ZNF597: variants seen among roughly 807,000 people sequenced by gnomAD.
ZNF597 encodes the protein zinc finger protein 597.
Under a neutral mutation model 7.3 loss-of-function variants are expected in ZNF597, and 5 were observed. The observed-to-expected ratio is 0.68, with a 90% CI of 0.36 to 1.44. The LOEUF (loss-of-function observed/expected upper bound fraction) is 1.44. Among genes scored for constraint, ZNF597 ranks in the 40% most tolerant of loss-of-function variants. The pLI is 0.04. For missense variants in ZNF597, 585 were observed against 517.9 expected, an observed-to-expected ratio of 1.13 and a Z score of -1.26; for synonymous variants, 209 against 185.4, an observed-to-expected ratio of 1.13 and a Z score of -1.04.
chr16:3,439,945 A>G (rs1217123883), intron 3 of ZNF597, among the ~76,000 whole-genome samples: 1 of 152,204 alleles, frequency 6.6e-6, no homozygotes, highest in Admixed American at 6.5e-5. Context: ...CAACATGAAC[A>G]TGATGAAGAG....
chr16:3,436,962 C>A lies in ZNF597; in HGVS notation c.737G>T (p.Gly246Val). The change falls in exon 4 of 4, where the codon GGT (glycine) becomes GTT (valine). Residue 246 changes from glycine to valine, a missense_variant. Physicochemically the swap from Gly to Val is moderately radical, Grantham distance 109. Transcript: ENST00000301744. ...TCCTGGGAGCCACATAAAACCTCTA[C>A]CACATATGCTACATGTATAGGGCTT... ...KEKPYTCSIC[G>V]RGFMWLPGLA... 1 of 1,614,172 alleles carries A rather than the reference C, an allele frequency of 6.2e-7. No homozygotes were observed. The highest frequency in any genetic ancestry group is 1.6e-4 in the Middle Eastern group (1 of 6,062).
At position 3,437,474 on chromosome 16, in the gene ZNF597, A is replaced by T; in HGVS notation, c.225T>A (p.Leu75=). Residue 75 remains leucine (L), a synonymous_variant, in exon 4 of 4, where the codon CTT becomes CTA. Transcript: ENST00000301744. ...CAGCAATGGGGTACTTTTCTAAGGC[A>T]AGCTCGTCAAGTTCCATAGACTCTA... is the stretch of plus-strand genomic sequence containing the variant. ...LSLESMELDE[L]ALEKYPIAAP... 6.2e-7 allele frequency: 1 copy of T among 1,614,114 alleles called. No individual in the cohort carries two copies. The highest frequency in any genetic ancestry group is 8.5e-7 in the Non-Finnish European group (1 of 1,180,016).
At position 3,443,424 on chromosome 16, in the gene ZNF597, G is replaced by A. The variant is rs570461684; in HGVS notation, c.-118C>T. The stretch of plus-strand genomic sequence containing the variant: ...GAGCTGCAGAAAGCGACGCCCGACC[G>A]AGACGCGACGAAGAACGCCACGGCC... On this transcript the variant is annotated 5_prime_UTR_variant, in exon 1 of 4. Coordinates refer to ENST00000301744, the MANE Select transcript of ZNF597 (RefSeq NM_152457.3). The A allele has an allele frequency of 5.7e-5, 30 of 522,572 alleles. No homozygotes were observed. The highest frequency in any genetic ancestry group is 4.9e-4 in the Middle Eastern group (1 of 2,044). The allele number at this position is 522,572 out of a possible 1,614,324, so 32.4% of individuals were successfully genotyped here.
At position 3,436,800 on chromosome 16, in the gene ZNF597, T is replaced by TGG; in HGVS notation, c.898_899insCC (p.Lys300ThrfsTer4). 6.2e-7 allele frequency: 1 copy of TGG among 1,613,658 alleles called. No homozygotes were observed. The highest frequency in any genetic ancestry group is 8.5e-7 in the Non-Finnish European group (1 of 1,180,032). On this transcript the variant is annotated frameshift_variant, in exon 4 of 4. Coordinates refer to ENST00000301744, the MANE Select transcript of ZNF597 (RefSeq NM_152457.3). LOFTEE classifies it low-confidence loss of function (END_TRUNC). ...GGACTGCCTGAAGCTCTTCATGCAC[T>TGG]TAGTGTGCTGGTACTGGGGGCCTGA...
chr16:3,432,882 G>A lies in ZNF597; in HGVS notation c.*3542C>T, dbSNP rs2034268661. On this transcript the variant is annotated 3_prime_UTR_variant, in exon 4 of 4. Transcript: ENST00000301744. ...ACACTTTCCTACTAAAATCCCACAG[G>A]GATAACAAGTTTAATGAACATTCAA... is the stretch of plus-strand genomic sequence containing the variant. 6.6e-6 allele frequency: 1 copy of A among 152,008 alleles called. No homozygotes were observed. Among genetic ancestry groups the A allele is most frequent in the African/African-American group, 2.4e-5 (1 of 41,374 alleles). 9.4% of individuals were successfully genotyped at this position (152,008 alleles called of 1,614,324 possible). A position where few individuals can be genotyped will look rare whatever the true frequency, so the allele number is the denominator to read the frequency against.
In ZNF597 at chr16:3,436,459, T is replaced by C; in HGVS notation, c.1240A>G (p.Thr414Ala). The C allele has an allele frequency of 6.2e-7, 1 of 1,614,172 alleles. No homozygotes were observed. Among genetic ancestry groups the C allele is most frequent in the Non-Finnish European group, 8.5e-7 (1 of 1,180,022 alleles). Residue 414 changes from threonine to alanine, a missense_variant, in exon 4 of 4, where the codon ACT becomes GCT. By Grantham distance (58) the Thr-to-Ala change is moderately conservative. Coordinates refer to ENST00000301744, the MANE Select transcript of ZNF597 (RefSeq NM_152457.3). ...KTFKSNLHLI[T>A]HKRTHIKNTT ...TTTTTTATGTGAGTTCGCTTATGAG[T>C]AATGAGATGCAAATTCGACTTGAAA... is the stretch of plus-strand genomic sequence containing the variant.
rs1445832644 is a variant in ZNF597 at position 3,437,321 on chromosome 16, G to T, written c.378C>A (p.His126Gln). Residue 126 changes from histidine (H) to glutamine (Q), a missense_variant, in exon 4 of 4, where the codon CAC becomes CAA. Coordinates refer to ENST00000301744, the MANE Select transcript of ZNF597 (RefSeq NM_152457.3). Reference sequence around the variant, plus strand: ...ATTCAGAGAGTTCTACTAATGGGGTGTGGTTTTCAATGGTAACTAAAAGGC... The same window carrying T: ...ATTCAGAGAGTTCTACTAATGGGGTTTGGTTTTCAATGGTAACTAAAAGGC... ...VISLLVTIENHTPLVELSEYL... is the reference protein window; with the variant it reads ...VISLLVTIENQTPLVELSEYL... 6.2e-7 allele frequency: 1 copy of T among 1,614,182 alleles called. No homozygotes were observed. Among genetic ancestry groups the T allele is most frequent in the East Asian group, 2.2e-5 (1 of 44,882 alleles).
chr16:3,440,869 G>C lies in ZNF597; in HGVS notation c.98C>G (p.Pro33Arg), dbSNP rs746673058. Residue 33 changes from proline (P) to arginine (R), a missense_variant, in exon 3 of 4, where the codon CCT becomes CGT. Coordinates refer to ENST00000301744, the MANE Select transcript of ZNF597 (RefSeq NM_152457.3). ...FSQEECVTLH[P>R]AQRSLSKDGT... The stretch of plus-strand genomic sequence containing the variant: ...ATCTTTGCTGAGGGACCTCTGGGCA[G>C]GGTGCAGAGTCACGCACTCCTCTTG... The C allele has an allele frequency of 1.7e-5, 27 of 1,614,060 alleles. No homozygotes were observed. The highest frequency in any genetic ancestry group is 2.2e-5 in the Non-Finnish European group (26 of 1,179,962).
Position 3,443,453 on chromosome 16 carries a change from G to A in ZNF597, c.-147C>T, listed in dbSNP as rs1322427420. 1.9e-6 allele frequency: 1 copy of A among 519,714 alleles called. No homozygotes were observed. The highest frequency in any genetic ancestry group is 2.9e-5 in the South Asian group (1 of 35,038). The allele number at this position is 519,714 out of a possible 1,614,324, so 32.2% of individuals were successfully genotyped here. A position where few individuals can be genotyped will look rare whatever the true frequency, so the allele number is the denominator to read the frequency against. ...CGCGACGAAGAACGCCACGGCCACT[G>A]CAAAACTCCCACGCTCTCATGCTCC... On this transcript the variant is annotated 5_prime_UTR_variant, in exon 1 of 4. Coordinates refer to ENST00000301744, the MANE Select transcript of ZNF597 (RefSeq NM_152457.3).
At position 3,443,077 on chromosome 16, in the gene ZNF597, C is replaced by T. The variant is rs370519061; in HGVS notation, c.33+44G>A. 18 of 1,613,606 alleles carry T rather than the reference C, an allele frequency of 1.1e-5. No homozygotes were observed. The East Asian group carries it at 1.6e-4, about 14-fold the overall frequency. ...CCAAAGGAGGGGGTCAGGCAGAGAC[C>T]GAAAGCAGCAATAAACTTGGACGAA... is the stretch of plus-strand genomic sequence containing the variant. On this transcript the variant is annotated intron_variant, in intron 2 of 3. Transcript: ENST00000301744.
Position 3,433,765 on chromosome 16 carries a change from A to G in ZNF597, c.*2659T>C, listed in dbSNP as rs2034274820. On this transcript the variant is annotated 3_prime_UTR_variant, in exon 4 of 4. Coordinates refer to ENST00000301744, the MANE Select transcript of ZNF597 (RefSeq NM_152457.3). Reference sequence around the variant, plus strand: ...CATCTAGCAAATGTATTTAAGTACAACTGCACAATAAGCACAACTGAAAAT... The same window carrying G: ...CATCTAGCAAATGTATTTAAGTACAGCTGCACAATAAGCACAACTGAAAAT... 1 of 152,234 alleles carries G rather than the reference A, an allele frequency of 6.6e-6. No individual in the cohort carries two copies. Among genetic ancestry groups the G allele is most frequent in the Non-Finnish European group, 1.5e-5 (1 of 68,030 alleles). 9.4% of individuals were successfully genotyped at this position (152,234 alleles called of 1,614,324 possible). A position where few individuals can be genotyped will look rare whatever the true frequency, so the allele number is the denominator to read the frequency against.
rs141206372 is a variant in ZNF597 at position 3,441,328 on chromosome 16, T to C, written c.34-395A>G. Among the ~76,000 whole-genome samples the C allele has an allele frequency of 1.8e-3, 270 of 151,988 alleles. 1 individual carries two copies. The highest frequency in any genetic ancestry group is 6.2e-3 in the African/African-American group (259 of 41,478). ...TTTGGGAGTCTGAGGGGGATGCAGA[T>C]GACTTGAGGTCAGGTGTTCGAGACC... On this transcript the variant is annotated intron_variant, in intron 2 of 3. Coordinates refer to ENST00000301744, the MANE Select transcript of ZNF597 (RefSeq NM_152457.3).
At chr16:3,440,351 C>G (rs1457276999) in intron 3 of ZNF597, among the ~76,000 whole-genome samples, 1 of 152,182 alleles carries the variant, frequency 6.6e-6, no homozygotes, top group East Asian at 1.9e-4. Flanking sequence ...AAGAGATCAT[C>G]TCGGCCGGGC....
Position 3,440,893 on chromosome 16 carries a change from T to C in ZNF597, c.74A>G (p.Gln25Arg), listed in dbSNP as rs1411758230. The change falls in exon 3 of 4, where the codon CAA (glutamine) becomes CGA (arginine). Residue 25 changes from glutamine (Q) to arginine (R), a missense_variant. Transcript: ENST00000301744. Reference sequence around the variant, plus strand: ...AGGGTGCAGAGTCACGCACTCCTCTTGAGAAAAATACACAGCCAGATCCTC... The same window carrying C: ...AGGGTGCAGAGTCACGCACTCCTCTCGAGAAAAATACACAGCCAGATCCTC... ...LFEDLAVYFS[Q>R]EECVTLHPAQ... is the part of the protein sequence containing the mutation. The C allele has an allele frequency of 1.9e-6, 3 of 1,613,970 alleles. No homozygotes were observed. Among genetic ancestry groups the C allele is most frequent in the Non-Finnish European group, 2.5e-6 (3 of 1,179,908 alleles).
At position 3,440,948 on chromosome 16, in the gene ZNF597, C is replaced by T. The variant is rs369017760; in HGVS notation, c.34-15G>A. On this transcript the variant is annotated splice_polypyrimidine_tract_variant and intron_variant, in intron 2 of 3. Coordinates refer to ENST00000301744, the MANE Select transcript of ZNF597 (RefSeq NM_152457.3). ...AGTATTGGTCCCTGAAACACAAGAG[C>T]CTGTGTCAGCACAAGAGGGTGGAGG... is the stretch of plus-strand genomic sequence containing the variant. The T allele has an allele frequency of 1.2e-5, 20 of 1,611,078 alleles. No homozygotes were observed. Among genetic ancestry groups the T allele is most frequent in the Non-Finnish European group, 1.5e-5 (18 of 1,178,810 alleles).
At chr16:3,441,220 G>A (rs1164627287) in intron 2 of ZNF597, among the ~76,000 whole-genome samples, 5 of 152,162 alleles carry the variant, frequency 3.3e-5, no homozygotes, top group Non-Finnish European at 5.9e-5. Flanking sequence ...GGCTCTTAGG[G>A]AGGCAACCAT....
At chr16:3,439,251 T>C (rs1203976733) in intron 3 of ZNF597, among the ~76,000 whole-genome samples, 1 of 151,028 alleles carries the variant, frequency 6.6e-6, no homozygotes, top group Non-Finnish European at 1.5e-5. Flanking sequence ...AGCATGGTAG[T>C]GCATGCCTGT....
At position 3,432,795 on chromosome 16, in the gene ZNF597, A is replaced by G. The variant is rs1040989465; in HGVS notation, c.*3629T>C. ...CTTCTAAATTACAAAACTAAACCAG[A>G]TGAATACATACACTTCTAATGTAAT... is the stretch of plus-strand genomic sequence containing the variant. On this transcript the variant is annotated 3_prime_UTR_variant, in exon 4 of 4. Coordinates refer to ENST00000301744, the MANE Select transcript of ZNF597 (RefSeq NM_152457.3). The G allele has an allele frequency of 3.3e-5, 5 of 152,244 alleles. No homozygotes were observed. Among genetic ancestry groups the G allele is most frequent in the African/African-American group, 1.2e-4 (5 of 41,456 alleles). 9.4% of individuals were successfully genotyped at this position (152,244 alleles called of 1,614,324 possible). A position where few individuals can be genotyped will look rare whatever the true frequency, so the allele number is the denominator to read the frequency against.
chr16:3,440,946 A>ATTAG lies in ZNF597; in HGVS notation c.34-14_34-13insCTAA. On this transcript the variant is annotated splice_polypyrimidine_tract_variant and intron_variant, in intron 2 of 3. Transcript: ENST00000301744. ...AGAGTATTGGTCCCTGAAACACAAGAGCCTGTGTCAGCACAAGAGGGTGGA... is the reference window on the plus strand; with the variant it reads ...AGAGTATTGGTCCCTGAAACACAAGATTAGGCCTGTGTCAGCACAAGAGGGTGGA... The ATTAG allele has an allele frequency of 6.2e-7, 1 of 1,611,704 alleles. No individual in the cohort carries two copies. Among genetic ancestry groups the ATTAG allele is most frequent in the Non-Finnish European group, 8.5e-7 (1 of 1,179,010 alleles).
Sources: allele counts gnomAD v4.1 joint callset (sites outside exome capture counted in the v4.1 genomes callset), GRCh38; gene constraint gnomAD v4.1.1; transcripts MANE v1.5; gene names NCBI Gene and HGNC (gene_info 2026-07-23, HGNC 2026-07-21).